The following NRXN3 variants were observed in gnomAD, a reference collection of about 807,000 sequenced individuals.
NRXN3 encodes the protein neurexin 3.
NRXN3 carries 32 observed loss-of-function variants against 137.6 expected under a neutral mutation model. The ratio of observed to expected loss-of-function variants is 0.23; its 90% CI spans 0.18 to 0.31. The LOEUF is 0.31. Among genes scored for constraint, NRXN3 ranks in the 10% least tolerant of loss-of-function variants. NRXN3 has a pLI of 1.00. For missense variants in NRXN3, 1,574 were observed against 2,062.5 expected, an observed-to-expected ratio of 0.76 and a Z score of 4.59; for synonymous variants, 798 against 784.5, an observed-to-expected ratio of 1.02 and a Z score of -0.29.
intron 4 of NRXN3, among the ~76,000 whole-genome samples, chr14:78,593,715 G>T (rs2097136278): frequency 1.3e-5 from 2 of 152,164 alleles, no homozygotes; most frequent in Non-Finnish European, 2.9e-5. Flanking sequence ...TGGGGAAATT[G>T]TCATCCTAAC....
intron 16 of NRXN3, among the ~76,000 whole-genome samples, chr14:79,471,575 T>C (rs1029579865): frequency 6.6e-6 from 1 of 152,216 alleles, no homozygotes; most frequent in African/African-American, 2.4e-5. Context: ...TCATCTGAAG[T>C]AGTCAATCTT....
At chr14:78,321,078 T>C (rs2079293923) in intron 4 of NRXN3, among the ~76,000 whole-genome samples, 1 of 150,890 alleles carries the variant, frequency 6.6e-6, no homozygotes, top group African/African-American at 2.5e-5. Flanking sequence ...ATCGCACCAC[T>C]GCACTCCAGT....
intron 15 of NRXN3, among the ~76,000 whole-genome samples, chr14:78,999,215 G>A (rs557127543): frequency 3.9e-5 from 6 of 152,050 alleles, no homozygotes; most frequent in Non-Finnish European, 8.8e-5. Context: ...ACATGCCTAC[G>A]GAAGAAATGA....
chr14:78,823,513 G>T (rs575380340), intron 10 of NRXN3, among the ~76,000 whole-genome samples: 1 of 152,158 alleles, frequency 6.6e-6, no homozygotes, highest in East Asian at 1.9e-4. Flanking sequence ...CTGGCACTTC[G>T]CACATCTTTC....
At chr14:79,257,403 GTGGTGGTGGTGA>G (rs1568817693) in intron 15 of NRXN3, among the ~76,000 whole-genome samples, 7 of 87,494 alleles carry the variant, frequency 8.0e-5, no homozygotes, top group Admixed American at 1.2e-4. Context: ...GGTGGTGGTG[GTGGTGGTGGTGA>G]TGGTGGTGAT....
At chr14:78,875,285 T>A (rs1008955519) in intron 10 of NRXN3, among the ~76,000 whole-genome samples, 4 of 152,196 alleles carry the variant, frequency 2.6e-5, no homozygotes, top group Admixed American at 2.6e-4. Flanking sequence ...TGCTAATTAG[T>A]CTGGAGGAAG....
At chr14:78,503,194 G>A (rs2095913492) in intron 4 of NRXN3, among the ~76,000 whole-genome samples, 1 of 152,120 alleles carries the variant, frequency 6.6e-6, no homozygotes, top group African/African-American at 2.4e-5. Flanking sequence ...ATACCTAAGG[G>A]CAAAATATTG....
chr14:79,249,770 C>T (rs894076893), intron 15 of NRXN3, among the ~76,000 whole-genome samples: 8 of 152,222 alleles, frequency 5.3e-5, no homozygotes, highest in South Asian at 2.1e-4. Flanking sequence ...TAGCAGTCAG[C>T]CTTTCTAGTG....
At chr14:79,264,494 A>ATGGCTGCCTTCTC (rs1416576496) in intron 15 of NRXN3, among the ~76,000 whole-genome samples, 17 of 151,440 alleles carry the variant, frequency 1.1e-4, no homozygotes, top group Non-Finnish European at 1.5e-5. Flanking sequence ...TGGCTTGCAA[A>ATGGCTGCCTTCTC]TGGCTGCCTT....
intron 8 of NRXN3, among the ~76,000 whole-genome samples, chr14:78,769,103 G>A (rs2098718593): frequency 6.6e-6 from 1 of 152,076 alleles, no homozygotes; most frequent in Non-Finnish European, 1.5e-5. Context: ...TCCATTAAGA[G>A]TTACCTTATT....
chr14:78,745,510 T>C (rs1475096873), intron 8 of NRXN3, among the ~76,000 whole-genome samples: 2 of 152,258 alleles, frequency 1.3e-5, no homozygotes, highest in African/African-American at 4.8e-5. Context: ...CTACTTCATC[T>C]TTCTCTGCAT....
intron 4 of NRXN3, among the ~76,000 whole-genome samples, chr14:78,323,902 A>G (rs1273454377): frequency 1.3e-5 from 2 of 152,074 alleles, no homozygotes; most frequent in African/African-American, 4.8e-5. Flanking sequence ...CTTACCAGCC[A>G]TGAGCAGTTT....
intron 16 of NRXN3, among the ~76,000 whole-genome samples, chr14:79,663,530 A>G (rs929745894): frequency 2.6e-5 from 4 of 152,110 alleles, no homozygotes; most frequent in Non-Finnish European, 4.4e-5. Context: ...ATTTGCCTTG[A>G]GGGGAATTGA....
At chr14:79,293,256 C>T (rs1472394593) in intron 15 of NRXN3, among the ~76,000 whole-genome samples, 2 of 152,162 alleles carry the variant, frequency 1.3e-5, no homozygotes, top group Non-Finnish European at 2.9e-5. Flanking sequence ...AATAGATCCA[C>T]AACCTCATCA....
chr14:79,551,051 C>G (rs565062433), intron 16 of NRXN3, among the ~76,000 whole-genome samples: 6 of 152,252 alleles, frequency 3.9e-5, no homozygotes, highest in African/African-American at 1.4e-4. Context: ...TCAACTGGGT[C>G]GGCCTTGAAG....
chr14:78,395,056 T>C (rs1481232067), intron 4 of NRXN3, among the ~76,000 whole-genome samples: 2 of 151,946 alleles, frequency 1.3e-5, no homozygotes, highest in East Asian at 3.9e-4. Flanking sequence ...CATTTTTACT[T>C]TCATTAGTTG....
intron 10 of NRXN3, among the ~76,000 whole-genome samples, chr14:78,861,213 TAC>T (rs1328779784): frequency 3.3e-5 from 5 of 152,180 alleles, no homozygotes; most frequent in African/African-American, 1.2e-4. Context: ...CAAGTTGTTT[TAC>T]AGTTTGTGTT....
intron 15 of NRXN3, among the ~76,000 whole-genome samples, chr14:79,421,718 A>G (rs1405968868): frequency 6.6e-6 from 1 of 152,216 alleles, no homozygotes; most frequent in African/African-American, 2.4e-5. Flanking sequence ...ATTTAATGTT[A>G]TAAGGATCAG....
intron 10 of NRXN3, among the ~76,000 whole-genome samples, chr14:78,917,920 TAAAC>T (rs2099259907): frequency 1.4e-5 from 2 of 146,844 alleles, no homozygotes; most frequent in South Asian, 4.3e-4. Context: ...ATAGTTATCT[TAAAC>T]AACCTGAATA....
Sources: allele counts gnomAD v4.1 joint callset (sites outside exome capture counted in the v4.1 genomes callset), GRCh38; gene constraint gnomAD v4.1.1; transcripts MANE v1.5; gene names NCBI Gene and HGNC (gene_info 2026-07-23, HGNC 2026-07-21).